Variants in ARHGEF11 observed in about 807,000 individuals in gnomAD.
ARHGEF11 encodes the protein Rho guanine nucleotide exchange factor 11.
Under a neutral mutation model 193.7 loss-of-function variants are expected in ARHGEF11, and 55 were observed. That is an observed-to-expected ratio of 0.28 (90% CI 0.23 to 0.36). The LOEUF (loss-of-function observed/expected upper bound fraction) is 0.36, where lower values mean the gene tolerates loss of function less well. ARHGEF11 is among the 10% of genes least tolerant of loss of function. The pLI is 1.00. For synonymous variants in ARHGEF11, 693 were observed against 768.0 expected, an observed-to-expected ratio of 0.90 and a Z score of 1.62; for missense variants, 1,723 against 2,005.6, an observed-to-expected ratio of 0.86 and a Z score of 2.69.
intron 29 of ARHGEF11, chr1:156,945,756 C>T (rs1657990980): frequency 2.8e-6 from 1 of 355,380 alleles, no homozygotes; most frequent in Non-Finnish European, 5.2e-6. Flanking sequence ...CCCAGGTGCC[C>T]TTGAGTGCCA....
chr1:157,001,012 C>G (rs920007832), intron 1 of ARHGEF11, among the ~76,000 whole-genome samples: 2 of 152,150 alleles, frequency 1.3e-5, no homozygotes, highest in South Asian at 2.1e-4. Flanking sequence ...CTGTTCTACC[C>G]TTCGAAAACC....
Position 156,954,899 on chromosome 1 carries a change from A to G in ARHGEF11, c.1791T>C (p.Pro597=). The change falls in exon 21 of 41, where the codon CCT becomes CCC. Residue 597 remains proline, a synonymous_variant. Coordinates refer to ENST00000368194, the MANE Select transcript of ARHGEF11 (RefSeq NM_198236.3). Reference sequence around the variant, plus strand: ...ATAAAATGGTCCTTTTACCTTCCACAGGGGACAAGGGAATATGAAATGCTA... The same window carrying G: ...ATAAAATGGTCCTTTTACCTTCCACGGGGGACAAGGGAATATGAAATGCTA... ...SQSTFHIPLS[P]VEVKPGNVRN... is the part of the protein sequence containing the mutation. 1 of 1,608,722 alleles carries G rather than the reference A, an allele frequency of 6.2e-7. No homozygotes were observed. Among genetic ancestry groups the G allele is most frequent in the Non-Finnish European group, 8.5e-7 (1 of 1,178,230 alleles).
chr1:157,033,529 C>G (rs961583582), intron 1 of ARHGEF11, among the ~76,000 whole-genome samples: 2 of 152,142 alleles, frequency 1.3e-5, no homozygotes, highest in Non-Finnish European at 2.9e-5. Flanking sequence ...GGTGATCTTG[C>G]TTTTGTGAAA....
chr1:157,014,761 G>A (rs1183793275), intron 1 of ARHGEF11, among the ~76,000 whole-genome samples: 1 of 152,200 alleles, frequency 6.6e-6, no homozygotes. Context: ...GAAGTTCAGA[G>A]CATTTTCTTT....
At chr1:157,025,586 T>G (rs1670545943) in intron 1 of ARHGEF11, among the ~76,000 whole-genome samples, 1 of 152,204 alleles carries the variant, frequency 6.6e-6, no homozygotes, top group Admixed American at 6.5e-5. Flanking sequence ...CAATTTATTT[T>G]CTAATCTTGT....
intron 1 of ARHGEF11, among the ~76,000 whole-genome samples, chr1:157,037,873 A>C (rs188470740): frequency 1.3e-3 from 204 of 151,900 alleles, no homozygotes; most frequent in African/African-American, 4.6e-3. Flanking sequence ...CTCTACTAAA[A>C]ATACAAAAAG....
intron 17 of ARHGEF11, among the ~76,000 whole-genome samples, chr1:156,958,403 G>A (rs1473646145): frequency 6.6e-6 from 1 of 152,182 alleles, no homozygotes; most frequent in Non-Finnish European, 1.5e-5. Context: ...ACACATCACT[G>A]GCCTCACTCT....
intron 13 of ARHGEF11, 102 bp downstream of exon 13, chr1:156,963,101 A>T (rs1005789290): frequency 2.3e-6 from 2 of 880,668 alleles, no homozygotes; most frequent in African/African-American, 3.3e-5. Flanking sequence ...GACTGTGCCC[A>T]TGGATCTGAC....
At chr1:156,942,511 C>T (rs937808937) in intron 33 of ARHGEF11, among the ~76,000 whole-genome samples, 179 bp downstream of exon 33, 4 of 152,232 alleles carry the variant, frequency 2.6e-5, no homozygotes, top group Non-Finnish European at 2.9e-5. Flanking sequence ...GTGACCAGGT[C>T]GGGGGTGATG....
At chr1:156,945,262 GT>G in intron 29 of ARHGEF11, 65 bp from the exon 30 acceptor site, 1 of 1,539,308 alleles carries the variant, frequency 6.5e-7, no homozygotes, top group East Asian at 2.3e-5. Context: ...GGCGCCAGCT[GT>G]TATCTGCCTA....
chr1:157,020,444 A>G (rs76785984), intron 1 of ARHGEF11, among the ~76,000 whole-genome samples: 1,966 of 152,314 alleles, frequency 0.013, 39 homozygotes, highest in African/African-American at 0.045. Flanking sequence ...GCTGTCCCAA[A>G]ACATTCTGTT....
intron 37 of ARHGEF11, 184 bp downstream of exon 37, chr1:156,939,364 A>T: frequency 1.3e-6 from 1 of 761,202 alleles, no homozygotes; most frequent in Middle Eastern, 3.8e-4. Flanking sequence ...TAAGCTCTGA[A>T]TCTCGAATGT....
At position 156,963,524 on chromosome 1, in the gene ARHGEF11, T is replaced by C. The variant is rs1164947156; in HGVS notation, c.1034A>G (p.Asn345Ser). 6.2e-7 allele frequency: 1 copy of C among 1,613,308 alleles called. No individual in the cohort carries two copies. Among genetic ancestry groups the C allele is most frequent in the Non-Finnish European group, 8.5e-7 (1 of 1,179,714 alleles). Reference sequence around the variant, plus strand: ...AGAAAACTAGGAAACCGTTACCTCGTTGTTGAAATAACCCGGGTCATAGTC... The same window carrying C: ...AGAAAACTAGGAAACCGTTACCTCGCTGTTGAAATAACCCGGGTCATAGTC... ...EEDYDPGYFNNESDIIFQDLE... is the reference protein window; with the variant it reads ...EEDYDPGYFNSESDIIFQDLE... Residue 345 changes from asparagine to serine, a missense_variant, in exon 12 of 41, where the codon AAC becomes AGC. By Grantham distance (46) the Asn-to-Ser change is conservative. Coordinates refer to ENST00000368194, the MANE Select transcript of ARHGEF11 (RefSeq NM_198236.3).
chr1:156,976,950 C>CA (rs1166431588), intron 7 of ARHGEF11, 33 bp downstream of exon 7: 1 of 1,578,882 alleles, frequency 6.3e-7, no homozygotes, highest in Non-Finnish European at 8.7e-7. Flanking sequence ...TTCACTCAGG[C>CA]AATGGCCAGT....
At chr1:156,968,257 G>A in intron 10 of ARHGEF11, 133 bp from the exon 11 acceptor site, 3 of 951,862 alleles carry the variant, frequency 3.2e-6, no homozygotes, top group South Asian at 1.7e-5. Context: ...CTCTGTGCCT[G>A]GTATTATACT....
Position 156,946,034 on chromosome 1 carries a change from C to T in ARHGEF11, c.2812+11G>A, listed in dbSNP as rs758530624. The stretch of plus-strand genomic sequence containing the variant: ...CACTGCCTGTGATGCCAGCCCCTCC[C>T]CAGGTGCTACCCTCTGTGTGCTTGA... On this transcript the variant is annotated intron_variant, in intron 29 of 40. Coordinates refer to ENST00000368194, the MANE Select transcript of ARHGEF11 (RefSeq NM_198236.3). 6 of 1,603,396 alleles carry T rather than the reference C, an allele frequency of 3.7e-6. No homozygotes were observed. Among genetic ancestry groups the T allele is most frequent in the Non-Finnish European group, 5.1e-6 (6 of 1,171,524 alleles).
Position 156,948,346 on chromosome 1 carries a change from G to A in ARHGEF11, c.2078C>T (p.Ser693Leu). The change falls in exon 23 of 41, where the codon TCG becomes TTG. Residue 693 changes from serine to leucine, a missense_variant. This residue lies in a region of ARHGEF11 where 491 missense variants were observed against 654.5 expected (regional missense o/e 0.75). Transcript: ENST00000368194. This position sits in a 1 kb window ranked among gnomAD's most constrained non-coding sequence, Gnocchi z 4.2. ...GGTGGAGAGGCTGGAGGTAGAGGAC[G>A]AGGCTGACTGGTGCAGGCGAGTAGC... is the stretch of plus-strand genomic sequence containing the variant. ...AEATRLHQSA[S>L]SSTSSLSTRS... 2 of 1,614,198 alleles carry A rather than the reference G, an allele frequency of 1.2e-6. No individual in the cohort carries two copies. Among genetic ancestry groups the A allele is most frequent in the Admixed American group, 1.7e-5 (1 of 60,026 alleles).
At chr1:156,955,993 G>C (rs899475139) in intron 19 of ARHGEF11, among the ~76,000 whole-genome samples, 194 bp from the exon 20 acceptor site, 1 of 152,174 alleles carries the variant, frequency 6.6e-6, no homozygotes, top group East Asian at 1.9e-4. Flanking sequence ...TAGTCTGGGG[G>C]TCCTCACTGA....
intron 1 of ARHGEF11, among the ~76,000 whole-genome samples, chr1:157,043,421 C>T (rs1182542346): frequency 6.6e-6 from 1 of 152,072 alleles, no homozygotes; most frequent in African/African-American, 2.4e-5. Context: ...CAAAGTTGTA[C>T]CAATCATTTG....
Sources: gnomAD v4.1 joint callset for allele counts (sites outside exome capture counted in the v4.1 genomes callset) on GRCh38, gnomAD v4.1.1 for gene constraint, gnomAD v4.1.1 regional missense constraint, Gnocchi (gnomAD v3.1) non-coding constraint, MANE v1.5 for transcripts, NCBI Gene and HGNC (gene_info 2026-07-23, HGNC 2026-07-21) for gene names.